Variants in BCL2 observed in about 807,000 individuals in gnomAD.
BCL2 encodes BCL2 apoptosis regulator.
A neutral mutation model predicts 14.2 loss-of-function variants in BCL2; 1 was observed. The observed-to-expected ratio is 0.07, with a 90% CI of 0.02 to 0.33. BCL2 has a LOEUF of 0.33. BCL2 is among the 10% of genes least tolerant of loss of function. The probability of loss-of-function intolerance (pLI) is 0.99; values close to 1 mark genes in which losing one functional copy is unlikely to be tolerated. For synonymous variants in BCL2, 151 were observed against 137.2 expected (o/e 1.10, Z -0.70); for missense variants, 247 against 305.9 (o/e 0.81, Z 1.44).
chr18:63,185,313 T>C (rs1202362467), intron 2 of BCL2, among the ~76,000 whole-genome samples: 1 of 152,238 alleles, frequency 6.6e-6, no homozygotes, highest in African/African-American at 2.4e-5. Flanking sequence ...TTCAGGTCAA[T>C]TCTTTGGGTT....
intron 2 of BCL2, among the ~76,000 whole-genome samples, chr18:63,203,561 C>T (rs1909758178): frequency 6.6e-6 from 1 of 152,120 alleles, no homozygotes; most frequent in Non-Finnish European, 1.5e-5. Flanking sequence ...TAGTAAGATG[C>T]GATTAATGGG....
intron 2 of BCL2, among the ~76,000 whole-genome samples, chr18:63,140,723 A>G (rs1914333266): frequency 6.6e-6 from 1 of 152,246 alleles, no homozygotes; most frequent in South Asian, 2.1e-4. Flanking sequence ...GGAATTAGCT[A>G]AGGGTGATGG....
Position 63,259,275 on chromosome 18 carries a change from CAGAA to C in BCL2, c.585+58803_585+58806del, listed in dbSNP as rs1911581226. ...AGTGCAAAGGCACCAGCCCCCATCA[CAGAA>C]AGAAAGCGGGCAGCGTGTAAGTGTC... On this transcript the variant is annotated intron_variant, in intron 2 of 2. Transcript: ENST00000333681. Among the ~76,000 whole-genome samples the C allele has an allele frequency of 3.9e-5, 6 of 152,276 alleles. 2 individuals carry two copies. Among genetic ancestry groups the C allele is most frequent in the Admixed American group, 3.9e-4 (6 of 15,292 alleles).
At chr18:63,302,319 A>T (rs1323741225) in intron 2 of BCL2, 52 of 949,520 alleles carry the variant, frequency 5.5e-5, no homozygotes, top group Non-Finnish European at 6.5e-5. Flanking sequence ...AAAAAAAGAG[A>T]GAGAAAGAGA....
At chr18:63,253,908 T>TC (rs1243827987) in intron 2 of BCL2, among the ~76,000 whole-genome samples, 1 of 56,492 alleles carries the variant, frequency 1.8e-5, no homozygotes, top group Non-Finnish European at 6.5e-5. Context: ...CTGAATGTTG[T>TC]CTTTTTTTTT....
intron 2 of BCL2, among the ~76,000 whole-genome samples, chr18:63,182,838 TG>T (rs143973669): frequency 0.082 from 12,549 of 152,236 alleles, 1,277 homozygotes; most frequent in African/African-American, 0.24. Flanking sequence ...TGTCCCTACC[TG>T]GGGTATTTGC....
In BCL2 at chr18:63,223,230, C is replaced by T. The variant is rs542534932; in HGVS notation, c.586-94471G>A. The stretch of plus-strand genomic sequence containing the variant: ...TCCTGGCTAACAGGTGAAACCCCGT[C>T]TCTACTAAAAATAGAAAAAGTTAGC... On this transcript the variant is annotated intron_variant, in intron 2 of 2. Coordinates refer to ENST00000333681, the MANE Select transcript of BCL2 (RefSeq NM_000633.3). Among the ~76,000 whole-genome samples the T allele has an allele frequency of 2.0e-5, 3 of 152,068 alleles. No homozygotes were observed. In the East Asian group the frequency reaches 5.8e-4, roughly 29 times the overall value.
intron 2 of BCL2, among the ~76,000 whole-genome samples, chr18:63,171,574 C>T (rs931096653): frequency 1.3e-5 from 2 of 152,186 alleles, no homozygotes; most frequent in Admixed American, 6.5e-5. Context: ...ATAATAGAGT[C>T]TAGTTAAGTG....
At chr18:63,205,915 A>G (rs775260331) in intron 2 of BCL2, among the ~76,000 whole-genome samples, 12 of 152,098 alleles carry the variant, frequency 7.9e-5, no homozygotes, top group Non-Finnish European at 1.2e-4. Context: ...TTCTGTTATG[A>G]GTTTAGCATT....
chr18:63,139,055 T>C (rs1043575964), intron 2 of BCL2, among the ~76,000 whole-genome samples: 1 of 152,198 alleles, frequency 6.6e-6, no homozygotes, highest in African/African-American at 2.4e-5. Flanking sequence ...GAGCTGGCTA[T>C]TCCAGAGATG....
intron 2 of BCL2, among the ~76,000 whole-genome samples, chr18:63,294,109 T>C (rs1205148679): frequency 6.6e-6 from 1 of 152,206 alleles, no homozygotes; most frequent in Non-Finnish European, 1.5e-5. Context: ...ATACTTTGGC[T>C]GCCTTGGTAT....
At chr18:63,217,160 A>G (rs1056709872) in intron 2 of BCL2, among the ~76,000 whole-genome samples, 3 of 152,246 alleles carry the variant, frequency 2.0e-5, no homozygotes, top group East Asian at 1.9e-4. Context: ...CAGATGTAAT[A>G]TAACTGAAGG....
intron 2 of BCL2, among the ~76,000 whole-genome samples, chr18:63,144,841 G>C (rs1458260568): frequency 6.6e-6 from 1 of 152,114 alleles, no homozygotes; most frequent in Non-Finnish European, 1.5e-5. Flanking sequence ...TGACCATGGA[G>C]AAACCACCAG....
intron 2 of BCL2, among the ~76,000 whole-genome samples, chr18:63,189,618 T>C (rs1054434638): frequency 1.3e-5 from 2 of 152,120 alleles, no homozygotes; most frequent in African/African-American, 2.4e-5. Flanking sequence ...TCATACATTA[T>C]CTATTTTAGG....
At chr18:63,281,726 A>G (rs889550885) in intron 2 of BCL2, among the ~76,000 whole-genome samples, 15 of 130,774 alleles carry the variant, frequency 1.1e-4, no homozygotes, top group African/African-American at 4.0e-4. Flanking sequence ...GAAAGAAAGA[A>G]AGAAAGAAAG....
At chr18:63,205,155 G>A (rs1389747162) in intron 2 of BCL2, among the ~76,000 whole-genome samples, 1 of 152,184 alleles carries the variant, frequency 6.6e-6, no homozygotes, top group African/African-American at 2.4e-5. Flanking sequence ...GACAAAGCTT[G>A]AAAAAGTTGA....
In BCL2 at chr18:63,126,549, G is replaced by A. The variant is rs570388509; in HGVS notation, c.*2076C>T. 1.7e-5 allele frequency: 4 copies of A among 229,326 alleles called. No individual in the cohort carries two copies. In the South Asian group the frequency reaches 7.3e-4, roughly 42 times the overall value. 14.2% of individuals were successfully genotyped at this position (229,326 alleles called of 1,614,324 possible). A position where few individuals can be genotyped will look rare whatever the true frequency, so the allele number is the denominator to read the frequency against. ...AACCTTCAAGAAACAAGGTCAAAGG[G>A]ACAACAGATATAACTGTCACAATAA... is the stretch of plus-strand genomic sequence containing the variant. On this transcript the variant is annotated 3_prime_UTR_variant, in exon 3 of 3. Coordinates refer to ENST00000333681, the MANE Select transcript of BCL2 (RefSeq NM_000633.3).
rs549227959 is a variant in BCL2, at chr18:63,232,348, A to G, written c.585+85734T>C. On this transcript the variant is annotated intron_variant, in intron 2 of 2. Transcript: ENST00000333681. ...ATTCTGTGATGAAGGATGCCAAAAA[A>G]CAATGTTTAAAGGCAATAAATAGCC... Among the ~76,000 whole-genome samples, 3 of 152,186 alleles carry G rather than the reference A, an allele frequency of 2.0e-5. No homozygotes were observed. The South Asian group carries it at 6.2e-4, about 32-fold the overall frequency.
chr18:63,263,391 C>T (rs1389786131), intron 2 of BCL2, among the ~76,000 whole-genome samples: 1 of 152,084 alleles, frequency 6.6e-6, no homozygotes, highest in South Asian at 2.1e-4. Flanking sequence ...TTTTTAAAAC[C>T]TGTTTTGTTA....
Sources: allele counts gnomAD v4.1 joint callset (sites outside exome capture counted in the v4.1 genomes callset), GRCh38; gene constraint gnomAD v4.1.1; transcripts MANE v1.5; gene names NCBI Gene and HGNC (gene_info 2026-07-23, HGNC 2026-07-21).